TSPAN5: variants seen among roughly 807,000 people sequenced by gnomAD.
The protein encoded by TSPAN5 is tetraspanin-5.
A neutral mutation model predicts 37.1 loss-of-function variants in TSPAN5; 10 were observed. That is an observed-to-expected ratio of 0.27 (90% CI 0.17 to 0.46). The LOEUF is 0.46. Among genes scored for constraint, TSPAN5 ranks in the 20% least tolerant of loss-of-function variants. The probability of loss-of-function intolerance (pLI) is 1.00; values close to 1 mark genes in which losing one functional copy is unlikely to be tolerated. For synonymous variants in TSPAN5, 110 were observed against 118.9 expected, an observed-to-expected ratio of 0.93 and a Z score of 0.48; for missense variants, 195 against 326.6, an observed-to-expected ratio of 0.60 and a Z score of 3.11.
intron 7 of TSPAN5, among the ~76,000 whole-genome samples, chr4:98,472,864 T>C (rs1054888268): frequency 1.3e-5 from 2 of 152,144 alleles, no homozygotes; most frequent in South Asian, 2.1e-4. Flanking sequence ...CCTACAGACC[T>C]AGCAACCACT....
rs1752682537 is a variant in TSPAN5, at chr4:98,475,860, G to T, written c.741+329C>A. On this transcript the variant is annotated intron_variant, in intron 7 of 7. Coordinates refer to ENST00000305798, the MANE Select transcript of TSPAN5 (RefSeq NM_005723.4). ...AAAAAATTAGCCGGGCGTAGTGGCG[G>T]GCACCTGTAGTCCCAGCTACTCGGG... is the stretch of plus-strand genomic sequence containing the variant. Among the ~76,000 whole-genome samples, 3 of 151,792 alleles carry T rather than the reference G, an allele frequency of 2.0e-5. No individual in the cohort carries two copies. In the South Asian group the frequency reaches 6.2e-4, roughly 32 times the overall value.
chr4:98,630,533 T>A (rs1229479024), intron 1 of TSPAN5, among the ~76,000 whole-genome samples: 1 of 152,154 alleles, frequency 6.6e-6, no homozygotes, highest in Non-Finnish European at 1.5e-5. Flanking sequence ...TCCCTAAACA[T>A]CCCTGGATTG....
intron 3 of TSPAN5, 70 bp from the exon 4 acceptor site, chr4:98,482,245 C>G: frequency 7.1e-7 from 1 of 1,405,742 alleles, no homozygotes; most frequent in South Asian, 1.3e-5. Flanking sequence ...CTAAATGGTT[C>G]CTCTCTAAAC....
At chr4:98,608,993 TAA>T (rs1756109584) in intron 1 of TSPAN5, among the ~76,000 whole-genome samples, 1 of 152,160 alleles carries the variant, frequency 6.6e-6, no homozygotes, top group South Asian at 2.1e-4. Context: ...TCTCTTATCA[TAA>T]AAACCAAACT....
intron 1 of TSPAN5, among the ~76,000 whole-genome samples, chr4:98,583,803 T>A (rs183074819): frequency 2.0e-5 from 3 of 152,206 alleles, no homozygotes; most frequent in Non-Finnish European, 4.4e-5. Context: ...AGAGAACGCA[T>A]GTAAAGTGCC....
intron 3 of TSPAN5, 181 bp from the exon 4 acceptor site, chr4:98,482,356 T>TA: frequency 1.9e-6 from 1 of 526,126 alleles, no homozygotes; most frequent in Non-Finnish European, 3.2e-6. Flanking sequence ...AAAGGACTTT[T>TA]AAAAATCATT....
At chr4:98,592,433 T>TTTTTTTTTTTTG (rs1755666131) in intron 1 of TSPAN5, among the ~76,000 whole-genome samples, 1 of 144,722 alleles carries the variant, frequency 6.9e-6, no homozygotes, top group African/African-American at 2.7e-5. Flanking sequence ...TTTTTGTTTT[T>TTTTTTTTTTTTG]TTTTTTTTTT....
At chr4:98,611,427 G>A (rs964753930) in intron 1 of TSPAN5, among the ~76,000 whole-genome samples, 2 of 152,078 alleles carry the variant, frequency 1.3e-5, no homozygotes, top group Admixed American at 1.3e-4. Context: ...ACTATATCCA[G>A]GCAGCACACA....
chr4:98,557,766 A>G (rs976792127), intron 1 of TSPAN5, among the ~76,000 whole-genome samples: 4 of 152,214 alleles, frequency 2.6e-5, no homozygotes, highest in Non-Finnish European at 5.9e-5. Flanking sequence ...GTGATAAGTC[A>G]TGTTGACAGG....
chr4:98,540,877 C>T (rs1407891259), intron 1 of TSPAN5, among the ~76,000 whole-genome samples: 1 of 152,172 alleles, frequency 6.6e-6, no homozygotes, highest in Non-Finnish European at 1.5e-5. Flanking sequence ...GAAGGATACA[C>T]ATTTAAATTC....
Position 98,575,946 on chromosome 4 carries a change from G to A in TSPAN5, c.82-68218C>T, listed in dbSNP as rs140210296. Among the ~76,000 whole-genome samples, 648 of 152,196 alleles carry A rather than the reference G, an allele frequency of 4.3e-3. 9 individuals are homozygous for A. The highest frequency in any genetic ancestry group is 0.015 in the African/African-American group (628 of 41,518). ...TAGCTGGGTGTGGTGGTGCATGCCT[G>A]TAATCCCAGCTACTTGGGAGGCTGA... is the stretch of plus-strand genomic sequence containing the variant. On this transcript the variant is annotated intron_variant, in intron 1 of 7. Transcript: ENST00000305798.
intron 4 of TSPAN5, among the ~76,000 whole-genome samples, chr4:98,479,301 G>A (rs1752783312): frequency 6.6e-6 from 1 of 152,132 alleles, no homozygotes; most frequent in African/African-American, 2.4e-5. Context: ...ATGGAGCGCA[G>A]GGAGACCCCC....
intron 1 of TSPAN5, among the ~76,000 whole-genome samples, chr4:98,619,838 C>CA (rs1240429635): frequency 3.9e-5 from 6 of 152,182 alleles, no homozygotes; most frequent in African/African-American, 1.2e-4. Context: ...CTCTGCTTTT[C>CA]AGATGGTGCA....
intron 2 of TSPAN5, among the ~76,000 whole-genome samples, chr4:98,490,905 G>A (rs1324512885): frequency 6.6e-6 from 1 of 151,836 alleles, no homozygotes; most frequent in Non-Finnish European, 1.5e-5. Flanking sequence ...TACTAAAAAT[G>A]CAAAAAATTA....
At chr4:98,474,988 T>C (rs961883469) in intron 7 of TSPAN5, among the ~76,000 whole-genome samples, 2 of 152,202 alleles carry the variant, frequency 1.3e-5, no homozygotes, top group African/African-American at 4.8e-5. Flanking sequence ...CCTGGTTTTA[T>C]TTCTTGATTT....
intron 1 of TSPAN5, among the ~76,000 whole-genome samples, chr4:98,551,554 C>G (rs1349242390): frequency 6.9e-6 from 1 of 144,380 alleles, no homozygotes; most frequent in South Asian, 2.2e-4. Flanking sequence ...TGCAGTGGCG[C>G]GATCTTGGCT....
intron 1 of TSPAN5, among the ~76,000 whole-genome samples, chr4:98,650,118 A>G (rs563033261): frequency 6.6e-6 from 1 of 152,356 alleles, no homozygotes; most frequent in East Asian, 1.9e-4. Flanking sequence ...TTAAAGGTGG[A>G]AAACAGAATG....
At chr4:98,589,842 G>C (rs1755584765) in intron 1 of TSPAN5, among the ~76,000 whole-genome samples, 2 of 152,140 alleles carry the variant, frequency 1.3e-5, no homozygotes, top group Non-Finnish European at 2.9e-5. Context: ...TGCAGGCCTA[G>C]CATGGGAATG....
intron 3 of TSPAN5, chr4:98,484,271 CAAG>C (rs764188578): frequency 1.9e-5 from 7 of 366,050 alleles, no homozygotes; most frequent in South Asian, 1.3e-4. Context: ...CTCGGTCAAC[CAAG>C]AAGGTCTATT....
Sources: allele counts gnomAD v4.1 joint callset (sites outside exome capture counted in the v4.1 genomes callset), GRCh38; gene constraint gnomAD v4.1.1; transcripts MANE v1.5; gene names NCBI Gene and HGNC (gene_info 2026-07-23, HGNC 2026-07-21).